SLC4A8: variants seen among roughly 807,000 people sequenced by gnomAD.
SLC4A8 encodes electroneutral sodium bicarbonate exchanger 1.
SLC4A8 carries 40 observed loss-of-function variants against 125.0 expected under a neutral mutation model. That is an observed-to-expected ratio of 0.32 (90% confidence interval 0.25 to 0.42). The LOEUF (loss-of-function observed/expected upper bound fraction) is 0.42. Ranked by LOEUF, SLC4A8 falls within the 10% of genes least tolerant of loss-of-function variation. SLC4A8 has a pLI of 1.00. For synonymous variants in SLC4A8, 456 were observed against 476.0 expected (o/e 0.96, Z 0.55); for missense variants, 863 against 1,355.1 (o/e 0.64, Z 5.70).
chr12:51,468,874 C>G lies in SLC4A8; in HGVS notation c.1350-740C>G, dbSNP rs115924861. ...CACACTGTATTATCCACTCATATCT[C>G]TCAGCACCTTGATCCACCAAGCACT... On this transcript the variant is annotated intron_variant, in intron 11 of 24. Transcript: ENST00000453097. Among the ~76,000 whole-genome samples the G allele has an allele frequency of 8.2e-3, 1,251 of 152,330 alleles. 15 individuals carry two copies. The highest frequency in any genetic ancestry group is 0.028 in the African/African-American group (1,168 of 41,558).
Position 51,463,413 on chromosome 12 carries a change from GT to G in SLC4A8, c.1249-200del, listed in dbSNP as rs1950409507. ...GGAACAGGAAGAGAAATTATGGGGT[GT>G]GTGTGTGTGTGTGTGTGTGTGTGTG... On this transcript the variant is annotated intron_variant, in intron 10 of 24. Coordinates refer to ENST00000453097, the MANE Select transcript of SLC4A8 (RefSeq NM_001039960.3). Among the ~76,000 whole-genome samples the G allele has an allele frequency of 8.6e-3, 361 of 42,132 alleles. 4 individuals are homozygous for G. Among genetic ancestry groups the G allele is most frequent in the African/African-American group, 0.014 (135 of 9,588 alleles). The allele number at this position is 42,132 out of a possible 152,430, so 27.6% of individuals were successfully genotyped here.
intron 1 of SLC4A8, among the ~76,000 whole-genome samples, chr12:51,415,942 A>G (rs545319802): frequency 9.2e-5 from 14 of 151,684 alleles, no homozygotes; most frequent in Admixed American, 3.3e-4. Context: ...TATAGTGCCT[A>G]TATTTGTCTA....
chr12:51,421,819 C>T (rs1474622139), upstream of SLC4A8: 8 of 152,202 alleles, frequency 5.3e-5, no homozygotes, highest in African/African-American at 1.4e-4. Flanking sequence ...ACTCTAGAAT[C>T]AGAGAGCTTG....
rs1950658378 is a variant in SLC4A8, at chr12:51,470,447, T to C, written c.1580T>C (p.Phe527Ser). The C allele has an allele frequency of 6.2e-7, 1 of 1,613,814 alleles. No individual in the cohort carries two copies. The highest frequency in any genetic ancestry group is 1.7e-5 in the Admixed American group (1 of 60,004). ...ATGACTGGGATTGCTTATTCCTTGT[T>C]TGCGGGACAGGCTCTCACCATCCTG... The part of the protein sequence containing the change: ...ASMTGIAYSL[F>S]AGQALTILGS... Residue 527 changes from phenylalanine (F) to serine (S), a missense_variant, in exon 13 of 25, where the codon TTT (phenylalanine) becomes TCT (serine). Transcript: ENST00000453097.
At position 51,457,318 on chromosome 12, in the gene SLC4A8, A is replaced by G. The variant is rs539397235; in HGVS notation, c.575-33A>G. 8.8e-6 allele frequency: 14 copies of G among 1,593,842 alleles called. No individual in the cohort carries two copies. In the East Asian group the frequency reaches 8.9e-5, roughly 10 times the overall value. On this transcript the variant is annotated intron_variant, in intron 5 of 24. Transcript: ENST00000453097. ...GCCTTCTTGGGTTCATTAACCCTCAATCTGAGTGTTCATGTGAGTGCCTGC... is the reference window on the plus strand; with the variant it reads ...GCCTTCTTGGGTTCATTAACCCTCAGTCTGAGTGTTCATGTGAGTGCCTGC...
intron 22 of SLC4A8, chr12:51,497,515 C>T: frequency 6.2e-6 from 1 of 162,562 alleles, no homozygotes; most frequent in Admixed American, 5.8e-5. Flanking sequence ...TGGTTGGCAC[C>T]ATGCAAAGAT....
chr12:51,483,861 T>C (rs1951095470), intron 16 of SLC4A8, among the ~76,000 whole-genome samples: 2 of 152,110 alleles, frequency 1.3e-5, no homozygotes, highest in African/African-American at 4.8e-5. Context: ...TTACATTAGG[T>C]ATATCTCCTA....
At chr12:51,394,850 A>G (rs994862327) in intron 1 of SLC4A8, among the ~76,000 whole-genome samples, 1 of 152,212 alleles carries the variant, frequency 6.6e-6, no homozygotes, top group African/African-American at 2.4e-5. Context: ...TTTAAAAAAC[A>G]TATATGATAG....
At chr12:51,456,148 T>G (rs1342828503) in intron 5 of SLC4A8, among the ~76,000 whole-genome samples, 1 of 151,956 alleles carries the variant, frequency 6.6e-6, no homozygotes, top group Non-Finnish European at 1.5e-5. Context: ...GGATGGATAA[T>G]TTTTCTTCTG....
intron 22 of SLC4A8, 165 bp downstream of exon 22, chr12:51,497,289 C>A: frequency 1.3e-6 from 1 of 759,194 alleles, no homozygotes; most frequent in Non-Finnish European, 2.1e-6. Flanking sequence ...GGGATTCTTG[C>A]TTCTGTCTGT....
intron 16 of SLC4A8, among the ~76,000 whole-genome samples, 160 bp from the exon 17 acceptor site, chr12:51,485,627 T>C (rs1000927920): frequency 4.6e-5 from 7 of 152,194 alleles, no homozygotes; most frequent in African/African-American, 9.6e-5. Flanking sequence ...TGAGCATCAG[T>C]TGGGCAATTA....
intron 1 of SLC4A8, chr12:51,425,251 C>G: frequency 7.4e-7 from 1 of 1,351,542 alleles, no homozygotes; most frequent in Non-Finnish European, 9.5e-7. Context: ...TGGGATCTGG[C>G]CCATCTCTGC....
chr12:51,455,698 A>G (rs751204349), intron 5 of SLC4A8, among the ~76,000 whole-genome samples: 3 of 152,194 alleles, frequency 2.0e-5, no homozygotes, highest in Non-Finnish European at 4.4e-5. Context: ...TATTTCAAGT[A>G]TCCAAGTCAT....
chr12:51,419,655 T>C (rs1306582298), intron 1 of SLC4A8, among the ~76,000 whole-genome samples: 1 of 152,238 alleles, frequency 6.6e-6, no homozygotes, highest in Non-Finnish European at 1.5e-5. Flanking sequence ...ACCGTTTTTT[T>C]TACAGCCAGC....
intron 2 of SLC4A8, among the ~76,000 whole-genome samples, chr12:51,449,021 A>G (rs1949878591): frequency 1.3e-5 from 2 of 152,170 alleles, no homozygotes; most frequent in South Asian, 4.1e-4. Context: ...AACAGAAGCA[A>G]CAGGATACCA....
At position 51,497,074 on chromosome 12, in the gene SLC4A8, AG is replaced by A; in HGVS notation, c.3032del (p.Ser1011ThrfsTer23). 2 of 1,613,960 alleles carry A rather than the reference AG, an allele frequency of 1.2e-6. No individual in the cohort carries two copies. The highest frequency in any genetic ancestry group is 1.7e-6 in the Non-Finnish European group (2 of 1,180,000). The stretch of plus-strand genomic sequence containing the variant: ...CTGGCTAGATGATCTCATGCCTGAA[AG>A]CAAAAAGAAGAAGTTGGATGATGCC... ...LSWLDDLMPE[S>X]KKKKLDDAKK... is the part of the protein sequence containing the mutation. On this transcript the variant is annotated frameshift_variant, in exon 22 of 25. Coordinates refer to ENST00000453097, the MANE Select transcript of SLC4A8 (RefSeq NM_001039960.3). LOFTEE classifies it high-confidence loss of function.
intron 2 of SLC4A8, among the ~76,000 whole-genome samples, chr12:51,447,175 TG>T (rs1176026963): frequency 1.3e-5 from 2 of 152,078 alleles, no homozygotes; most frequent in Non-Finnish European, 2.9e-5. Context: ...TTTGAACTCC[TG>T]GGCTCAGGCA....
upstream of SLC4A8, chr12:51,424,773 G>A (rs1948900199): frequency 5.6e-6 from 3 of 537,414 alleles, no homozygotes; most frequent in Non-Finnish European, 9.8e-6. Context: ...GTCCTCCCGT[G>A]CTCCGCGCCC....
intron 5 of SLC4A8, among the ~76,000 whole-genome samples, chr12:51,455,409 G>A (rs1276109530): frequency 1.3e-5 from 2 of 152,158 alleles, no homozygotes; most frequent in African/African-American, 4.8e-5. Context: ...TTAGAGAAAG[G>A]GGCAACTGGA....
Sources: allele counts gnomAD v4.1 joint callset (sites outside exome capture counted in the v4.1 genomes callset), GRCh38; gene constraint gnomAD v4.1.1; transcripts MANE v1.5; gene names NCBI Gene and HGNC (gene_info 2026-07-23, HGNC 2026-07-21).